SLC25A48: variants seen among roughly 807,000 people sequenced by gnomAD.
SLC25A48 encodes the protein solute carrier family 25 member 48, also known as CTC-321K16.1.
SLC25A48 carries 29 observed loss-of-function variants against 32.2 expected under a neutral mutation model. The observed-to-expected ratio is 0.90, with a 90% CI of 0.67 to 1.23. SLC25A48 has a LOEUF of 1.23. Ranked by LOEUF, SLC25A48 falls within the 50% of genes most tolerant of loss-of-function variation. The pLI is 0.00. For synonymous variants in SLC25A48, 164 were observed against 172.3 expected (o/e 0.95, Z 0.38); for missense variants, 399 against 422.7 (o/e 0.94, Z 0.49).
chr5:135,797,197 G>A (rs1186224101), intron 3 of SLC25A48, among the ~76,000 whole-genome samples: 2 of 151,864 alleles, frequency 1.3e-5, no homozygotes, highest in African/African-American at 2.4e-5. Flanking sequence ...ATATCGCAGT[G>A]GGTGTACACC....
At chr5:135,759,824 A>G (rs531179568) in intron 3 of SLC25A48, among the ~76,000 whole-genome samples, 210 of 137,110 alleles carry the variant, frequency 1.5e-3, no homozygotes, top group Middle Eastern at 3.9e-3. Flanking sequence ...CTTGTTATAT[A>G]TCATCTTTTT....
intron 3 of SLC25A48, among the ~76,000 whole-genome samples, chr5:135,660,988 T>C (rs1045796282): frequency 9.9e-5 from 15 of 152,214 alleles, no homozygotes; most frequent in Non-Finnish European, 1.9e-4. Context: ...GAACCTTAGC[T>C]TCAAGGCTCA....
chr5:135,687,942 T>G (rs1754053667), intron 3 of SLC25A48, among the ~76,000 whole-genome samples: 2 of 118,702 alleles, frequency 1.7e-5, no homozygotes, highest in African/African-American at 3.1e-5. Flanking sequence ...CCATTTTAAG[T>G]GTACAGCTCA....
chr5:135,880,039 C>A lies in SLC25A48; in HGVS notation c.885C>A (p.Tyr295Ter). The A allele has an allele frequency of 6.5e-7, 1 of 1,536,206 alleles. No homozygotes were observed. The highest frequency in any genetic ancestry group is 8.7e-7 in the Non-Finnish European group (1 of 1,146,930). The part of the protein sequence containing the change: ...FPMSAAMFLG[Y>*]ELSLQAIRGD... ...TGAGTGCGGCCATGTTCCTTGGGTACGAGCTGTCGCTGCAGGCTATCCGCG... is the reference window on the plus strand; with the variant it reads ...TGAGTGCGGCCATGTTCCTTGGGTAAGAGCTGTCGCTGCAGGCTATCCGCG... Residue 295 changes from tyrosine to a stop codon, truncating the protein, a stop_gained, in exon 7 of 8, where the codon TAC (tyrosine) becomes TAA (stop). Coordinates refer to ENST00000681962, the MANE Select transcript of SLC25A48 (RefSeq NM_001349336.2). LOFTEE classifies it high-confidence loss of function.
chr5:135,594,308 A>C (rs1751595772), intron 1 of SLC25A48, among the ~76,000 whole-genome samples: 1 of 152,208 alleles, frequency 6.6e-6, no homozygotes, highest in Non-Finnish European at 1.5e-5. Context: ...GGGATACTTA[A>C]GTAGAACCAG....
intron 3 of SLC25A48, among the ~76,000 whole-genome samples, chr5:135,789,203 C>A (rs1756947071): frequency 6.7e-6 from 1 of 149,806 alleles, no homozygotes; most frequent in African/African-American, 2.5e-5. Context: ...TACACCCTCC[C>A]CCGCCACGAT....
chr5:135,839,154 C>T (rs560862799), intron 1 of SLC25A48, among the ~76,000 whole-genome samples: 1 of 152,208 alleles, frequency 6.6e-6, no homozygotes, highest in Non-Finnish European at 1.5e-5. Context: ...AGAGCACTTT[C>T]CTTTGCAGTG....
At chr5:135,868,927 A>C (rs1761430756) in intron 4 of SLC25A48, among the ~76,000 whole-genome samples, 1 of 152,114 alleles carries the variant, frequency 6.6e-6, no homozygotes, top group South Asian at 2.1e-4. Flanking sequence ...TCTTACCTGG[A>C]AATGAATGGG....
chr5:135,861,313 GCACACACACACA>G (rs10561751), intron 4 of SLC25A48, among the ~76,000 whole-genome samples: 1 of 145,692 alleles, frequency 6.9e-6, no homozygotes, highest in South Asian at 2.2e-4. Flanking sequence ...AAATACACAC[GCACACACACACA>G]CACACACACA....
At chr5:135,586,672 A>G (rs1561746469) in intron 1 of SLC25A48, among the ~76,000 whole-genome samples, 1 of 152,216 alleles carries the variant, frequency 6.6e-6, no homozygotes, top group Non-Finnish European at 1.5e-5. Context: ...AGGCAGAGAC[A>G]ACAGCTTAAA....
At chr5:135,607,104 C>T (rs969806056) in intron 1 of SLC25A48, among the ~76,000 whole-genome samples, 2 of 152,174 alleles carry the variant, frequency 1.3e-5, no homozygotes, top group Non-Finnish European at 2.9e-5. Flanking sequence ...CCTTCTCATG[C>T]CCCATGGCTG....
intron 3 of SLC25A48, among the ~76,000 whole-genome samples, chr5:135,749,357 T>G (rs997430738): frequency 6.7e-6 from 1 of 148,900 alleles, no homozygotes; most frequent in African/African-American, 2.5e-5. Context: ...ACTGTCCCCC[T>G]CCCCCAGCCA....
At chr5:135,651,588 GC>G (rs1254920377) in intron 3 of SLC25A48, among the ~76,000 whole-genome samples, 2 of 152,150 alleles carry the variant, frequency 1.3e-5, no homozygotes, top group Admixed American at 6.5e-5. Flanking sequence ...ATCAATCTCA[GC>G]CCTAGGGGTA....
intron 3 of SLC25A48, among the ~76,000 whole-genome samples, chr5:135,804,147 A>G (rs2126645364): frequency 6.6e-6 from 1 of 151,696 alleles, no homozygotes; most frequent in Admixed American, 6.6e-5. Flanking sequence ...ATGATGTCAC[A>G]GAAGGTGTCC....
At chr5:135,709,763 A>G (rs1478362680) in intron 3 of SLC25A48, among the ~76,000 whole-genome samples, 1 of 152,098 alleles carries the variant, frequency 6.6e-6, no homozygotes, top group Non-Finnish European at 1.5e-5. Context: ...TATGATTCCT[A>G]TGGTTTGTAT....
chr5:135,788,691 GGGGGGGAA>G (rs1756924780), intron 3 of SLC25A48, among the ~76,000 whole-genome samples: 4 of 148,670 alleles, frequency 2.7e-5, no homozygotes, highest in Non-Finnish European at 3.0e-5. Flanking sequence ...CTAATATCCA[GGGGGGGAA>G]GAGGGTGACA....
Position 135,793,534 on chromosome 5 carries a change from C to T in SLC25A48, c.-520-18989C>T, listed in dbSNP as rs558023582. ...TGTTTGTATACCCTGGAATATTATT[C>T]GTAATATCCTTGGGAGATATTTCTC... On this transcript the variant is annotated intron_variant, in intron 3 of 10. Transcript: ENST00000646290. 4.6e-5 allele frequency among the ~76,000 whole-genome samples: 7 copies of T among 151,374 alleles called. No individual in the cohort carries two copies. In the East Asian group the frequency reaches 5.8e-4, roughly 13 times the overall value.
chr5:135,596,388 A>G (rs1416764288), intron 1 of SLC25A48, among the ~76,000 whole-genome samples: 1 of 152,198 alleles, frequency 6.6e-6, no homozygotes, highest in Non-Finnish European at 1.5e-5. Flanking sequence ...ATGTGACTTC[A>G]CTCATGGGCC....
chr5:135,871,060 GACACACACACACACACACACACACACAC>G (rs10569008), intron 4 of SLC25A48, among the ~76,000 whole-genome samples: 9,044 of 137,678 alleles, frequency 0.066, 357 homozygotes, highest in Non-Finnish European at 0.089. Context: ...TGTGTACACA[GACACACACACACACACACACACACACAC>G]ACACACACAC....
Sources: gnomAD v4.1 joint callset for allele counts (sites outside exome capture counted in the v4.1 genomes callset) on GRCh38, gnomAD v4.1.1 for gene constraint, MANE v1.5 for transcripts, NCBI Gene and HGNC (gene_info 2026-07-23, HGNC 2026-07-21) for gene names.